C8orf74: variants seen among roughly 807,000 people sequenced by gnomAD.
C8orf74 encodes the protein chromosome 8 open reading frame 74.
In C8orf74, 29 loss-of-function variants were observed where a neutral mutation model predicts 22.2. That is an observed-to-expected ratio of 1.31 (90% CI 0.97 to 1.78). The LOEUF (loss-of-function observed/expected upper bound fraction) is 1.78. C8orf74 is among the 40% of genes most tolerant of loss of function. C8orf74 has a pLI of 0.00. For synonymous variants in C8orf74, 255 were observed against 163.1 expected (o/e 1.56, Z -4.30); for missense variants, 515 against 369.9 (o/e 1.39, Z -3.22).
At chr8:10,693,451 T>G (rs1253259117) in intron 2 of C8orf74, among the ~76,000 whole-genome samples, 1 of 152,184 alleles carries the variant, frequency 6.6e-6, no homozygotes, top group Non-Finnish European at 1.5e-5. Flanking sequence ...CTGGAAGAAT[T>G]CTTGGCACAG....
At chr8:10,676,959 T>C (rs560450675) in intron 2 of C8orf74, among the ~76,000 whole-genome samples, 74 of 152,348 alleles carry the variant, frequency 4.9e-4, no homozygotes, top group African/African-American at 1.8e-3. Flanking sequence ...CAGTCGATGA[T>C]GATGCAAACC....
chr8:10,678,497 G>A (rs529123323), intron 2 of C8orf74, among the ~76,000 whole-genome samples: 18 of 152,074 alleles, frequency 1.2e-4, no homozygotes, highest in Admixed American at 9.2e-4. Flanking sequence ...CAGTAGACAC[G>A]TGCCAGGGCC....
intron 2 of C8orf74, among the ~76,000 whole-genome samples, chr8:10,679,251 G>T (rs1799097025): frequency 6.6e-6 from 1 of 152,156 alleles, no homozygotes; most frequent in South Asian, 2.1e-4. Flanking sequence ...GTGCACTGGA[G>T]TCGGCCTTTA....
At chr8:10,672,971 G>C (rs527811329) in intron 1 of C8orf74, among the ~76,000 whole-genome samples, 5 of 152,182 alleles carry the variant, frequency 3.3e-5, no homozygotes, top group Non-Finnish European at 7.4e-5. Flanking sequence ...GTGAGGGACT[G>C]TGCCTGCCTC....
At chr8:10,684,292 C>T (rs759954088) in intron 2 of C8orf74, among the ~76,000 whole-genome samples, 2 of 152,210 alleles carry the variant, frequency 1.3e-5, no homozygotes, top group Admixed American at 6.5e-5. Context: ...GAGCCTGTCC[C>T]TTCTGCCAAA....
chr8:10,681,294 G>T (rs1290486767), intron 2 of C8orf74, among the ~76,000 whole-genome samples: 2 of 152,148 alleles, frequency 1.3e-5, no homozygotes, highest in South Asian at 4.1e-4. Flanking sequence ...TTCTTGGCCA[G>T]CCTCTGGGAA....
intron 2 of C8orf74, chr8:10,692,246 T>A (rs1171577816): frequency 1.3e-5 from 2 of 152,372 alleles, no homozygotes; most frequent in East Asian, 1.9e-4. Flanking sequence ...GAGCTTCTGG[T>A]CAGTGAAGCA....
intron 2 of C8orf74, among the ~76,000 whole-genome samples, chr8:10,682,039 CG>C (rs1466288883): frequency 1.3e-5 from 2 of 152,240 alleles, no homozygotes. Context: ...GCCATGCCCA[CG>C]GTCTGCCCGG....
At position 10,697,717 on chromosome 8, in the gene C8orf74, C is replaced by G. The variant is rs1799555392; in HGVS notation, c.360C>G (p.Arg120=). 6.2e-7 allele frequency: 1 copy of G among 1,614,048 alleles called. No individual in the cohort carries two copies. Among genetic ancestry groups the G allele is most frequent in the East Asian group, 2.2e-5 (1 of 44,862 alleles). The change falls in exon 3 of 4, where the codon CGC becomes CGG. Residue 120 remains arginine (R), a synonymous_variant. Coordinates refer to ENST00000304519, the MANE Select transcript of C8orf74 (RefSeq NM_001040032.2). ...LCDYFHHTFI[R]HYKLYQYVLG... is the part of the protein sequence containing the mutation. ...ACTACTTCCACCACACCTTCATCCG[C>G]CACTACAAACTCTACCAGTATGTCC...
At chr8:10,691,350 T>C in intron 2 of C8orf74, 1 of 181,044 alleles carries the variant, frequency 5.5e-6, no homozygotes. Flanking sequence ...ACTTCTCTTT[T>C]CAGATCTGGG....
rs1453044131 is a variant in C8orf74 at position 10,677,690 on chromosome 8, G to C, written c.241+2852G>C. ...CATCCAGGTAGCCTTGTGTTTGCCA[G>C]TATTATTCTTAACATACGGCATCTG... On this transcript the variant is annotated intron_variant, in intron 2 of 3. Coordinates refer to ENST00000304519, the MANE Select transcript of C8orf74 (RefSeq NM_001040032.2). Among the ~76,000 whole-genome samples, 5 of 152,038 alleles carry C rather than the reference G, an allele frequency of 3.3e-5. No homozygotes were observed. In the East Asian group the frequency reaches 9.6e-4, roughly 29 times the overall value.
chr8:10,690,934 G>C (rs550507871), intron 2 of C8orf74: 2 of 456,208 alleles, frequency 4.4e-6, no homozygotes, highest in Non-Finnish European at 8.8e-6. Flanking sequence ...GCAAATGAGG[G>C]CCACTCCCTG....
chr8:10,700,222 C>G lies in C8orf74; in HGVS notation c.649-13C>G, dbSNP rs765279424. 5.1e-6 allele frequency: 8 copies of G among 1,570,702 alleles called. No individual in the cohort carries two copies. The highest frequency in any genetic ancestry group is 1.4e-5 in the African/African-American group (1 of 73,326). On this transcript the variant is annotated splice_polypyrimidine_tract_variant and intron_variant, in intron 3 of 3. Coordinates refer to ENST00000304519, the MANE Select transcript of C8orf74 (RefSeq NM_001040032.2). ...CCCCAGCCCTGCTCATCGGCCTTCC[C>G]CTTTCCTTCCAGGAGTTGGAGAGCC...
At position 10,697,825 on chromosome 8, in the gene C8orf74, C is replaced by A. The variant is rs201257687; in HGVS notation, c.468C>A (p.Gly156=). The A allele has an allele frequency of 1.9e-6, 3 of 1,613,926 alleles. No homozygotes were observed. Among genetic ancestry groups the A allele is most frequent in the Non-Finnish European group, 2.5e-6 (3 of 1,179,862 alleles). ...MPPHPLPLAE[G]MDRDLWIHEQ... is the part of the protein sequence containing the mutation. ...CCCATCCCCTCCCGCTGGCCGAGGG[C>A]ATGGACAGGGACTTGTGGATCCACG... Residue 156 remains glycine (G), a synonymous_variant, in exon 3 of 4, where the codon GGC becomes GGA. Coordinates refer to ENST00000304519, the MANE Select transcript of C8orf74 (RefSeq NM_001040032.2).
Position 10,674,852 on chromosome 8 carries a change from AG to A in C8orf74, c.241+17del. 1 of 1,575,134 alleles carries A rather than the reference AG, an allele frequency of 6.3e-7. No homozygotes were observed. Among genetic ancestry groups the A allele is most frequent in the Non-Finnish European group, 8.6e-7 (1 of 1,159,366 alleles). On this transcript the variant is annotated intron_variant, in intron 2 of 3. Transcript: ENST00000304519. Reference sequence around the variant, plus strand: ...GGGAAACCAAAGGTATGGTGTGTCCAGGGCAGGAGTCAGCAGAGGCTGGCGG... The same window carrying A: ...GGGAAACCAAAGGTATGGTGTGTCCAGGCAGGAGTCAGCAGAGGCTGGCGG...
chr8:10,687,027 C>T lies in C8orf74; in HGVS notation c.242-10572C>T, dbSNP rs1799275399. The T allele has an allele frequency of 1.1e-4, 50 of 449,598 alleles. 1 individual carries two copies. The highest frequency in any genetic ancestry group is 7.8e-4 in the South Asian group (50 of 63,818). The allele number at this position is 449,598 out of a possible 1,614,324, so 27.9% of individuals were successfully genotyped here. On this transcript the variant is annotated intron_variant, in intron 2 of 3. Coordinates refer to ENST00000304519, the MANE Select transcript of C8orf74 (RefSeq NM_001040032.2). ...CAAGAAGGGATTAGATTGAAGAAAT[C>T]CAGTCTCCAGGGTTATAGTCCTAGA... is the stretch of plus-strand genomic sequence containing the variant.
intron 2 of C8orf74, chr8:10,687,376 G>T (rs1047606552): frequency 8.7e-5 from 25 of 288,824 alleles, no homozygotes; most frequent in Non-Finnish European, 1.7e-4. Context: ...ACGGCTAGGC[G>T]CAATGGCTAA....
At chr8:10,679,211 G>A (rs925870761) in intron 2 of C8orf74, among the ~76,000 whole-genome samples, 1 of 152,102 alleles carries the variant, frequency 6.6e-6, no homozygotes, top group Admixed American at 6.5e-5. Context: ...GCCCTGGAAC[G>A]GTGGTCAGCA....
intron 2 of C8orf74, among the ~76,000 whole-genome samples, chr8:10,685,984 A>AC (rs1206970457): frequency 1.3e-5 from 2 of 152,254 alleles, no homozygotes; most frequent in African/African-American, 4.8e-5. Flanking sequence ...CGGGAGAATC[A>AC]CTTGAGCCCG....
Sources: gnomAD v4.1 joint callset for allele counts (sites outside exome capture counted in the v4.1 genomes callset) on GRCh38, gnomAD v4.1.1 for gene constraint, MANE v1.5 for transcripts, NCBI Gene and HGNC (gene_info 2026-07-23, HGNC 2026-07-21) for gene names.